The following SPECC1 variants were observed in gnomAD, a reference collection of about 807,000 sequenced individuals.
The protein encoded by SPECC1 is sperm antigen with calponin homology and coiled-coil domains 1, also known as cytospin-B.
Under a neutral mutation model 104.1 loss-of-function variants are expected in SPECC1, and 62 were observed. The observed-to-expected ratio is 0.60, with a 90% CI of 0.49 to 0.74. SPECC1 has a LOEUF of 0.74. SPECC1 is among the 30% of genes least tolerant of loss of function. The pLI is 0.00. For missense variants in SPECC1, 1,306 were observed against 1,310.5 expected (o/e 1.00, Z 0.05); for synonymous variants, 513 against 501.6 (o/e 1.02, Z -0.30).
chr17:20,221,866 A>G (rs2037896038), intron 4 of SPECC1, among the ~76,000 whole-genome samples: 1 of 151,924 alleles, frequency 6.6e-6, no homozygotes, highest in Admixed American at 6.6e-5. Flanking sequence ...AAGACATTTT[A>G]ATTTTTTCTT....
chr17:20,199,080 CTTTTTTTT>C (rs562975649), intron 3 of SPECC1, among the ~76,000 whole-genome samples: 2 of 76,572 alleles, frequency 2.6e-5, no homozygotes, highest in Non-Finnish European at 4.5e-5. Context: ...CTTATGGTAG[CTTTTTTTT>C]TTTTTTTTTT....
rs751138157 is a variant in SPECC1, at chr17:20,205,235, C to G, written c.1186C>G (p.Gln396Glu). ...TGCAGAAGAACTACAGGCTACTCTA[C>G]AAGAATTATCAGACCAGCAACAAAT... is the stretch of plus-strand genomic sequence containing the variant. Reference protein sequence around the residue: ...STAEELQATLQELSDQQQMVQ... With the variant: ...STAEELQATLEELSDQQQMVQ... Residue 396 changes from glutamine (Q) to glutamate (E), a missense_variant, in exon 4 of 15, where the codon CAA (glutamine) becomes GAA (glutamate). Coordinates refer to ENST00000395527, the MANE Select transcript of SPECC1 (RefSeq NM_001243439.2). The G allele has an allele frequency of 1.2e-6, 2 of 1,614,074 alleles. No individual in the cohort carries two copies.
chr17:20,227,798 C>T (rs1204714343), intron 5 of SPECC1, among the ~76,000 whole-genome samples, 178 bp downstream of exon 5: 2 of 152,114 alleles, frequency 1.3e-5, no homozygotes, highest in Middle Eastern at 3.4e-3. Context: ...GCCTGTAATC[C>T]CAGCTACTCA....
At chr17:20,236,043 C>T (rs2038890717) in intron 7 of SPECC1, among the ~76,000 whole-genome samples, 1 of 152,188 alleles carries the variant, frequency 6.6e-6, no homozygotes, top group African/African-American at 2.4e-5. Flanking sequence ...ATGTGTTCTC[C>T]AGCTACCATG....
intron 1 of SPECC1, among the ~76,000 whole-genome samples, chr17:20,016,562 G>A (rs892251094): frequency 7.9e-5 from 12 of 152,188 alleles, no homozygotes; most frequent in Admixed American, 1.3e-4. Flanking sequence ...CACTGGGAGC[G>A]GCCGGCCAGC....
chr17:20,311,209 AC>A (rs1185832950), intron 14 of SPECC1, among the ~76,000 whole-genome samples: 1 of 150,802 alleles, frequency 6.6e-6, no homozygotes, highest in Non-Finnish European at 1.5e-5. Flanking sequence ...TTGTATACTG[AC>A]CTTGTATCCT....
chr17:20,225,639 G>A (rs1480740903), intron 4 of SPECC1, among the ~76,000 whole-genome samples: 1 of 152,154 alleles, frequency 6.6e-6, no homozygotes. Context: ...AAGGGATGAG[G>A]GAGAGGGGAT....
chr17:20,014,322 A>G lies in SPECC1; in HGVS notation c.-22+4898A>G, dbSNP rs994971214. Among the ~76,000 whole-genome samples the G allele has an allele frequency of 3.3e-5, 5 of 152,230 alleles. No homozygotes were observed. In the South Asian group the frequency reaches 8.3e-4, roughly 25 times the overall value. On this transcript the variant is annotated intron_variant, in intron 1 of 14. Transcript: ENST00000395527. ...GAGTAAAGCAAAAAAGAATCTTATCATGATTTTAATTCTGTCCCATATTAA... is the reference window on the plus strand; with the variant it reads ...GAGTAAAGCAAAAAAGAATCTTATCGTGATTTTAATTCTGTCCCATATTAA...
chr17:20,082,603 A>G (rs909958458), intron 1 of SPECC1, among the ~76,000 whole-genome samples: 4 of 150,708 alleles, frequency 2.7e-5, no homozygotes, highest in African/African-American at 1.0e-4. Context: ...CTCAAACTAT[A>G]TGTGTGTATA....
intron 3 of SPECC1, among the ~76,000 whole-genome samples, chr17:20,171,172 A>G (rs2034061194): frequency 6.6e-6 from 1 of 152,232 alleles, no homozygotes; most frequent in East Asian, 1.9e-4. Flanking sequence ...ATACTTCCAA[A>G]CTGGACCAAA....
At chr17:20,121,421 G>A (rs184667234) in intron 3 of SPECC1, among the ~76,000 whole-genome samples, 40 of 151,998 alleles carry the variant, frequency 2.6e-4, no homozygotes, top group Admixed American at 4.6e-4. Flanking sequence ...GTCCAGGCTG[G>A]AGTGCAGTGG....
intron 1 of SPECC1, among the ~76,000 whole-genome samples, chr17:20,059,487 G>C (rs2046099029): frequency 6.6e-6 from 1 of 152,172 alleles, no homozygotes; most frequent in African/African-American, 2.4e-5. Context: ...TGAACTGGGG[G>C]TTGGGGACCC....
chr17:20,237,267 C>T, intron 7 of SPECC1: 1 of 1,121,852 alleles, frequency 8.9e-7, no homozygotes, highest in Non-Finnish European at 1.1e-6. Flanking sequence ...ACAGCGCAGG[C>T]CCGAGTTCTT....
intron 1 of SPECC1, among the ~76,000 whole-genome samples, chr17:20,063,154 G>A (rs80131144): frequency 0.07 from 10,727 of 152,204 alleles, 528 homozygotes; most frequent in African/African-American, 0.14. Context: ...TGCAAGATGG[G>A]TTTAAAAATA....
At chr17:20,116,076 TTTTTATTTA>T (rs1451940819) in intron 3 of SPECC1, among the ~76,000 whole-genome samples, 1 of 152,118 alleles carries the variant, frequency 6.6e-6, no homozygotes, top group African/African-American at 2.4e-5. Context: ...ATAACTTTCT[TTTTTATTTA>T]TTTTATTTAT....
intron 1 of SPECC1, among the ~76,000 whole-genome samples, chr17:20,083,575 A>C (rs903832062): frequency 6.6e-6 from 1 of 151,942 alleles, no homozygotes; most frequent in African/African-American, 2.4e-5. Context: ...TTTATTGCTG[A>C]GTTCATTCTT....
chr17:20,219,282 G>T (rs2037710084), intron 4 of SPECC1, among the ~76,000 whole-genome samples: 1 of 152,110 alleles, frequency 6.6e-6, no homozygotes, highest in Non-Finnish European at 1.5e-5. Context: ...GTGTACAAGG[G>T]TCTGCTTTTC....
At chr17:20,112,638 C>G in intron 3 of SPECC1, 2 of 899,452 alleles carry the variant, frequency 2.2e-6, no homozygotes, top group Non-Finnish European at 1.9e-6. Context: ...CTTGACTGTG[C>G]AAATCTTCAG....
At chr17:20,238,038 G>A in intron 7 of SPECC1, 1 of 1,021,514 alleles carries the variant, frequency 9.8e-7, no homozygotes, top group African/African-American at 1.7e-5. Context: ...CCCCATGTCT[G>A]GCCCCTTCTG....
Sources: gnomAD v4.1 joint callset for allele counts (sites outside exome capture counted in the v4.1 genomes callset) on GRCh38, gnomAD v4.1.1 for gene constraint, MANE v1.5 for transcripts, NCBI Gene and HGNC (gene_info 2026-07-23, HGNC 2026-07-21) for gene names.